CRCP: variants seen among roughly 807,000 people sequenced by gnomAD.
CRCP encodes the protein DNA-directed RNA polymerase III subunit RPC9.
Under a neutral mutation model 18.5 loss-of-function variants are expected in CRCP, and 18 were observed. That is an observed-to-expected ratio of 0.97 (90% confidence interval 0.67 to 1.44). CRCP has a LOEUF of 1.44. Among genes scored for constraint, CRCP ranks in the 40% most tolerant of loss-of-function variants. The pLI is 0.00. For missense variants in CRCP, 130 were observed against 176.4 expected (o/e 0.74, Z 1.49); for synonymous variants, 53 against 62.9 (o/e 0.84, Z 0.75).
At chr7:66,131,377 C>T (rs957375378) in intron 3 of CRCP, among the ~76,000 whole-genome samples, 1 of 152,066 alleles carries the variant, frequency 6.6e-6, no homozygotes, top group Non-Finnish European at 1.5e-5. Context: ...AAAAGATTGC[C>T]CTCATTTCTC....
At chr7:66,117,905 C>T (rs1787319426) in intron 1 of CRCP, among the ~76,000 whole-genome samples, 1 of 152,208 alleles carries the variant, frequency 6.6e-6, no homozygotes, top group African/African-American at 2.4e-5. Context: ...TTCCTGAGGA[C>T]CATTGCGTTG....
chr7:66,127,964 T>C (rs1362668596), intron 2 of CRCP, among the ~76,000 whole-genome samples: 2 of 151,792 alleles, frequency 1.3e-5, no homozygotes, highest in African/African-American at 2.4e-5. Flanking sequence ...ATACAAAAAT[T>C]AGCTGGGTGT....
intron 4 of CRCP, among the ~76,000 whole-genome samples, chr7:66,136,449 C>T (rs1045760446): frequency 1.3e-5 from 2 of 152,012 alleles, no homozygotes; most frequent in African/African-American, 4.8e-5. Flanking sequence ...AGGCTGGTCT[C>T]GAACTCCCAA....
intron 4 of CRCP, among the ~76,000 whole-genome samples, chr7:66,136,341 C>T (rs114590902): frequency 0.012 from 1,903 of 152,244 alleles, 37 homozygotes; most frequent in African/African-American, 0.043. Context: ...GTGATTCCTC[C>T]TGCCTCAGCC....
At chr7:66,131,692 T>C (rs1167119374) in intron 3 of CRCP, among the ~76,000 whole-genome samples, 1 of 152,186 alleles carries the variant, frequency 6.6e-6, no homozygotes, top group African/African-American at 2.4e-5. Context: ...CCACAAAATC[T>C]GTGTAATCAT....
rs1361821319 is a variant in CRCP, at chr7:66,130,761, T to A, written c.63T>A (p.Thr21=). ...CCTCCTAGGTATTTCAGTTACTAAC[T>A]GATCTGAAAGAGCAGCGTAAAGAAA... is the stretch of plus-strand genomic sequence containing the variant. The part of the protein sequence containing the change: ...LSNYEVFQLL[T]DLKEQRKESG... Residue 21 remains threonine (T), a synonymous_variant, in exon 3 of 6, where the codon ACT becomes ACA. Coordinates refer to ENST00000395326, the MANE Select transcript of CRCP (RefSeq NM_014478.5). 3.1e-6 allele frequency: 5 copies of A among 1,605,954 alleles called. No individual in the cohort carries two copies.
rs544511767 is a variant in CRCP at position 66,124,965 on chromosome 7, T to G, written c.9-2739T>G. On this transcript the variant is annotated intron_variant, in intron 1 of 5. Coordinates refer to ENST00000395326, the MANE Select transcript of CRCP (RefSeq NM_014478.5). Reference sequence around the variant, plus strand: ...TGAAGAACTACACATTGCATTTAGTTGTCATGTTTCTTTAATTTCCTTTCC... The same window carrying G: ...TGAAGAACTACACATTGCATTTAGTGGTCATGTTTCTTTAATTTCCTTTCC... 3.3e-5 allele frequency among the ~76,000 whole-genome samples: 5 copies of G among 149,606 alleles called. No individual in the cohort carries two copies. In the South Asian group the frequency reaches 1.1e-3, roughly 32 times the overall value.
chr7:66,115,036 G>T (rs111608760), intron 1 of CRCP, 66 bp downstream of exon 1: 145 of 1,575,440 alleles, frequency 9.2e-5, no homozygotes, highest in Non-Finnish European at 1.2e-4. Context: ...TGAGAGCTGA[G>T]AGCCGAGAGC....
At chr7:66,146,875 C>T (rs1788314201) in intron 5 of CRCP, among the ~76,000 whole-genome samples, 1 of 152,166 alleles carries the variant, frequency 6.6e-6, no homozygotes. Context: ...AAACGAATCC[C>T]TGTCCCTCTG....
chr7:66,122,163 C>G (rs1787460572), intron 1 of CRCP, among the ~76,000 whole-genome samples: 1 of 152,180 alleles, frequency 6.6e-6, no homozygotes, highest in African/African-American at 2.4e-5. Flanking sequence ...ATCACAAGGT[C>G]AGGAGATCAA....
intron 1 of CRCP, among the ~76,000 whole-genome samples, chr7:66,119,409 A>G (rs1310393697): frequency 6.6e-6 from 1 of 152,168 alleles, no homozygotes; most frequent in African/African-American, 2.4e-5. Context: ...CCATTCTAGC[A>G]AATTAATGAA....
chr7:66,128,561 G>A (rs316313), intron 2 of CRCP: 15,841 of 152,226 alleles, frequency 0.1, 1,004 homozygotes, highest in South Asian at 0.2. Context: ...GAAGGCCAAG[G>A]CCAGCGGATC....
At chr7:66,133,368 C>T (rs1280851558) in intron 3 of CRCP, among the ~76,000 whole-genome samples, 6 of 151,864 alleles carry the variant, frequency 4.0e-5, no homozygotes, top group Non-Finnish European at 8.8e-5. Flanking sequence ...ATTAGCCGGG[C>T]GTGGTGGCAG....
At chr7:66,133,378 G>T (rs916105256) in intron 3 of CRCP, among the ~76,000 whole-genome samples, 3 of 151,938 alleles carry the variant, frequency 2.0e-5, no homozygotes, top group African/African-American at 7.2e-5. Context: ...CGTGGTGGCA[G>T]GCGCCTGTAG....
chr7:66,151,088 C>G (rs1283205561), intron 5 of CRCP: 1 of 152,396 alleles, frequency 6.6e-6, no homozygotes, highest in Non-Finnish European at 1.5e-5. Context: ...GATTCCAGTT[C>G]TACCCCTTAG....
At chr7:66,144,056 G>A (rs1788217960) in intron 4 of CRCP, among the ~76,000 whole-genome samples, 1 of 152,194 alleles carries the variant, frequency 6.6e-6, no homozygotes, top group African/African-American at 2.4e-5. Flanking sequence ...TACTTACTGA[G>A]CTGATTGGAA....
rs1014271813 is a variant in CRCP, at chr7:66,119,031, CTGAT to C, written c.8+4064_8+4067del. ...AAAGAAATTCTCTGACCTATCTCGT[CTGAT>C]TGTTTCAGAGGGGGTCCTGCCCCTT... is the stretch of plus-strand genomic sequence containing the variant. On this transcript the variant is annotated intron_variant, in intron 1 of 5. Transcript: ENST00000395326. 7.9e-5 allele frequency among the ~76,000 whole-genome samples: 12 copies of C among 152,276 alleles called. No homozygotes were observed. In the South Asian group the frequency reaches 2.5e-3, roughly 32 times the overall value.
rs537204333 is a variant in CRCP at position 66,147,453 on chromosome 7, G to A, written c.297+1953G>A. 2.0e-5 allele frequency among the ~76,000 whole-genome samples: 3 copies of A among 152,294 alleles called. No homozygotes were observed. In the South Asian group the frequency reaches 6.2e-4, roughly 32 times the overall value. On this transcript the variant is annotated intron_variant, in intron 5 of 5. Coordinates refer to ENST00000395326, the MANE Select transcript of CRCP (RefSeq NM_014478.5). The stretch of plus-strand genomic sequence containing the variant: ...TGCCCGCCCCATAGTCTTGGAAGGG[G>A]GCAAGTGTCCTCTCCATTTTAGCCC...
intron 1 of CRCP, 21 bp from the exon 2 acceptor site, chr7:66,127,683 T>G (rs764417204): frequency 6.2e-7 from 1 of 1,614,062 alleles, no homozygotes; most frequent in Non-Finnish European, 8.5e-7. Context: ...AGACTGATGA[T>G]AGCTTACTTT....
Sources: allele counts gnomAD v4.1 joint callset (sites outside exome capture counted in the v4.1 genomes callset), GRCh38; gene constraint gnomAD v4.1.1; transcripts MANE v1.5; gene names NCBI Gene and HGNC (gene_info 2026-07-23, HGNC 2026-07-21).